EFCAB6: variants seen among roughly 807,000 people sequenced by gnomAD.
EFCAB6 encodes the protein EF-hand calcium-binding domain-containing protein 6.
Under a neutral mutation model 169.8 loss-of-function variants are expected in EFCAB6, and 156 were observed. That is an observed-to-expected ratio of 0.92 (90% CI 0.81 to 1.05). The LOEUF is 1.05. EFCAB6 is among the 50% of genes least tolerant of loss of function. The probability of loss-of-function intolerance (pLI) is 0.00; values close to 1 mark genes in which losing one functional copy is unlikely to be tolerated. For synonymous variants in EFCAB6, 698 were observed against 676.4 expected, an observed-to-expected ratio of 1.03 and a Z score of -0.50; for missense variants, 1,800 against 1,829.1, an observed-to-expected ratio of 0.98 and a Z score of 0.29.
intron 6 of EFCAB6, among the ~76,000 whole-genome samples, chr22:43,749,567 C>T (rs2060682304): frequency 6.6e-6 from 1 of 152,004 alleles, no homozygotes; most frequent in South Asian, 2.1e-4. Flanking sequence ...GCGCAGTTCA[C>T]AATAGGGTTC....
At chr22:43,597,124 G>A (rs1282958135) in intron 23 of EFCAB6, among the ~76,000 whole-genome samples, 2 of 152,182 alleles carry the variant, frequency 1.3e-5, no homozygotes, top group Non-Finnish European at 2.9e-5. Context: ...AAACTTAAAT[G>A]TAAGACCATA....
chr22:43,806,262 C>G (rs1009999441), intron 2 of EFCAB6, among the ~76,000 whole-genome samples: 18 of 150,794 alleles, frequency 1.2e-4, no homozygotes, highest in African/African-American at 4.4e-4. Context: ...GACTGAAATT[C>G]AATTTTTTTT....
At chr22:43,675,328 T>TATATA (rs1253397597) in intron 13 of EFCAB6, among the ~76,000 whole-genome samples, 1 of 45,372 alleles carries the variant, frequency 2.2e-5, no homozygotes, top group African/African-American at 6.3e-5. Flanking sequence ...TATACTATAA[T>TATATA]ATATAATATA....
At chr22:43,636,764 C>T (rs2055432899) in intron 17 of EFCAB6, among the ~76,000 whole-genome samples, 1 of 151,942 alleles carries the variant, frequency 6.6e-6, no homozygotes. Flanking sequence ...GCACCTGCCA[C>T]CACGCCCAGC....
chr22:43,532,502 G>A (rs550943897), intron 30 of EFCAB6, among the ~76,000 whole-genome samples: 1 of 152,250 alleles, frequency 6.6e-6, no homozygotes, highest in African/African-American at 2.4e-5. Context: ...CTCCACGTTC[G>A]TGGCTCCCGT....
In EFCAB6 at chr22:43,632,238, TC is replaced by T; in HGVS notation, c.2099-1del. 6.2e-7 allele frequency: 1 copy of T among 1,612,074 alleles called. No individual in the cohort carries two copies. The highest frequency in any genetic ancestry group is 2.2e-5 in the East Asian group (1 of 44,816). On this transcript the variant is annotated splice_acceptor_variant, in intron 18 of 31. Coordinates refer to ENST00000262726, the MANE Select transcript of EFCAB6 (RefSeq NM_022785.4). LOFTEE classifies it high-confidence loss of function. Reference sequence around the variant, plus strand: ...GGTTTCCGGCCCTCTCATTGGAGGATCTGGAACAATTACAAAGATCGGGGTT... The same window carrying T: ...GGTTTCCGGCCCTCTCATTGGAGGATTGGAACAATTACAAAGATCGGGGTT...
intron 17 of EFCAB6, among the ~76,000 whole-genome samples, chr22:43,661,826 T>G (rs1038328670): frequency 6.6e-6 from 1 of 152,116 alleles, no homozygotes; most frequent in African/African-American, 2.4e-5. Flanking sequence ...ATAAATATAG[T>G]TCATAGAGTT....
At chr22:43,622,614 T>C (rs1313504323) in intron 20 of EFCAB6, among the ~76,000 whole-genome samples, 1 of 152,202 alleles carries the variant, frequency 6.6e-6, no homozygotes, top group Non-Finnish European at 1.5e-5. Flanking sequence ...TATTTTGCAA[T>C]TATTATCTGG....
chr22:43,776,870 T>C (rs1235416019), intron 3 of EFCAB6, among the ~76,000 whole-genome samples: 1 of 152,178 alleles, frequency 6.6e-6, no homozygotes, highest in African/African-American at 2.4e-5. Flanking sequence ...TGTTATCTAA[T>C]ACAGCCTCTG....
Position 43,618,165 on chromosome 22 carries a change from G to GGAAGGAAGGAAGGAAGGAAGGAAA in EFCAB6, c.2466-2244_2466-2243insTTTCCTTCCTTCCTTCCTTCCTTC, listed in dbSNP as rs1486097443. On this transcript the variant is annotated intron_variant, in intron 20 of 31. Coordinates refer to ENST00000262726, the MANE Select transcript of EFCAB6 (RefSeq NM_022785.4). ...GAGGAGGAAGGAAGGAAGGAAGGAA[G>GGAAGGAAGGAAGGAAGGAAGGAAA]GAAAGAAAGAAAGAAAGAAAGAAAG... 1.6e-3 allele frequency among the ~76,000 whole-genome samples: 107 copies of GGAAGGAAGGAAGGAAGGAAGGAAA among 68,228 alleles called. 1 individual carries two copies. The highest frequency in any genetic ancestry group is 3.4e-3 in the African/African-American group (59 of 17,500). 44.8% of individuals were successfully genotyped at this position (68,228 alleles called of 152,430 possible).
Position 43,572,121 on chromosome 22 carries a change from C to A in EFCAB6, c.3420+4176G>T, listed in dbSNP as rs1008558792. ...CTCTGCATCCACGGTTCCTAGTCCA[C>A]CGTGGTTAGTCCCTGTCTCAAGCAC... On this transcript the variant is annotated intron_variant, in intron 26 of 31. Transcript: ENST00000262726. The surrounding 1 kb of genome is among the most constrained non-coding windows in gnomAD (Gnocchi z 4.0). Among the ~76,000 whole-genome samples, 7 of 152,182 alleles carry A rather than the reference C, an allele frequency of 4.6e-5. No individual in the cohort carries two copies. The East Asian group carries it at 1.3e-3, about 29-fold the overall frequency.
At chr22:43,581,424 G>A (rs1488670167) in intron 24 of EFCAB6, among the ~76,000 whole-genome samples, 1 of 152,194 alleles carries the variant, frequency 6.6e-6, no homozygotes, top group Non-Finnish European at 1.5e-5. Flanking sequence ...CCCTATGGAA[G>A]CAGAGGCTCA....
chr22:43,598,875 G>T (rs1179752075), intron 23 of EFCAB6, among the ~76,000 whole-genome samples: 1 of 152,144 alleles, frequency 6.6e-6, no homozygotes, highest in Non-Finnish European at 1.5e-5. Flanking sequence ...CGATTACCCT[G>T]ATTTGATCAT....
intron 23 of EFCAB6, among the ~76,000 whole-genome samples, chr22:43,593,430 AC>A (rs1430458570): frequency 6.6e-6 from 1 of 152,234 alleles, no homozygotes; most frequent in African/African-American, 2.4e-5. Context: ...CTCATTACTC[AC>A]AAGTGGCAGG....
At position 43,804,909 on chromosome 22, in the gene EFCAB6, T is replaced by C. The variant is rs567425068; in HGVS notation, c.-8+4086A>G. Among the ~76,000 whole-genome samples the C allele has an allele frequency of 9.2e-5, 14 of 152,040 alleles. No individual in the cohort carries two copies. In the South Asian group the frequency reaches 2.1e-3, roughly 23 times the overall value. On this transcript the variant is annotated intron_variant, in intron 2 of 31. Coordinates refer to ENST00000262726, the MANE Select transcript of EFCAB6 (RefSeq NM_022785.4). The stretch of plus-strand genomic sequence containing the variant: ...AAGAAAAAAAGAGAGAAGACCCAAG[T>C]TGGAAGAGAAGAAGTCAAATTAGCC...
At position 43,714,324 on chromosome 22, in the gene EFCAB6, TGGAA is replaced by T. The variant is rs1250039170; in HGVS notation, c.882+2520_882+2523del. ...AATATAAGGATAACAGGGACTACTG[TGGAA>T]GGAAGGAAGGATAGAAGGAGGAAGG... On this transcript the variant is annotated intron_variant, in intron 9 of 31. Coordinates refer to ENST00000262726, the MANE Select transcript of EFCAB6 (RefSeq NM_022785.4). Among the ~76,000 whole-genome samples, 12 of 151,794 alleles carry T rather than the reference TGGAA, an allele frequency of 7.9e-5. No homozygotes were observed. The East Asian group carries it at 2.3e-3, about 29-fold the overall frequency.
chr22:43,750,110 C>G (rs2060704319), intron 6 of EFCAB6, among the ~76,000 whole-genome samples: 1 of 151,964 alleles, frequency 6.6e-6, no homozygotes, highest in Non-Finnish European at 1.5e-5. Context: ...TAATTTGTCA[C>G]ACACAGGAAG....
intron 23 of EFCAB6, among the ~76,000 whole-genome samples, chr22:43,598,326 A>ACAAAG (rs772453314): frequency 6.7e-6 from 1 of 148,552 alleles, no homozygotes; most frequent in East Asian, 2.0e-4. Context: ...AAAAAAAAAA[A>ACAAAG]AAAAAAAAAA....
intron 29 of EFCAB6, chr22:43,536,793 C>T (rs919400476): frequency 6.6e-6 from 1 of 152,250 alleles, no homozygotes; most frequent in Admixed American, 6.5e-5. Flanking sequence ...GAGCTGAGAT[C>T]ATACCACTGT....
Sources: gnomAD v4.1 joint callset for allele counts (sites outside exome capture counted in the v4.1 genomes callset) on GRCh38, gnomAD v4.1.1 for gene constraint, Gnocchi (gnomAD v3.1) non-coding constraint, MANE v1.5 for transcripts, NCBI Gene and HGNC (gene_info 2026-07-23, HGNC 2026-07-21) for gene names.